Variants in VAV1 observed in about 807,000 individuals in gnomAD.
VAV1 encodes proto-oncogene vav.
VAV1 carries 33 observed loss-of-function variants against 128.1 expected under a neutral mutation model. The ratio of observed to expected loss-of-function variants is 0.26; its 90% CI spans 0.20 to 0.34. VAV1 has a LOEUF of 0.34. VAV1 is among the 10% of genes least tolerant of loss of function. VAV1 has a pLI of 1.00. For missense variants in VAV1, 715 were observed against 1,093.7 expected, an observed-to-expected ratio of 0.65 and a Z score of 4.88; for synonymous variants, 394 against 409.8, an observed-to-expected ratio of 0.96 and a Z score of 0.47.
intron 3 of VAV1, 49 bp downstream of exon 3, chr19:6,821,729 C>T: frequency 6.2e-7 from 1 of 1,613,850 alleles, no homozygotes; most frequent in Non-Finnish European, 8.5e-7. Context: ...TCCTCCCCCT[C>T]CCTGAAGCCC....
chr19:6,856,509 G>C (rs1972805270), intron 26 of VAV1, among the ~76,000 whole-genome samples: 2 of 151,890 alleles, frequency 1.3e-5, no homozygotes, highest in African/African-American at 4.8e-5. Flanking sequence ...ATCACCGGAG[G>C]TCAGGAGTTT....
At chr19:6,810,354 C>A (rs939077065) in intron 1 of VAV1, among the ~76,000 whole-genome samples, 3 of 152,144 alleles carry the variant, frequency 2.0e-5, no homozygotes, top group South Asian at 2.1e-4. Flanking sequence ...TAAAAATAAA[C>A]CCGACTTTCA....
At chr19:6,850,244 T>G (rs551857576) in intron 23 of VAV1, among the ~76,000 whole-genome samples, 182 of 114,454 alleles carry the variant, frequency 1.6e-3, no homozygotes, top group African/African-American at 6.8e-3. Context: ...TTTTTTTTTT[T>G]TGTGATCTAG....
intron 1 of VAV1, among the ~76,000 whole-genome samples, chr19:6,809,339 A>G (rs1445179746): frequency 6.6e-6 from 1 of 152,036 alleles, no homozygotes; most frequent in Non-Finnish European, 1.5e-5. Flanking sequence ...AATCCTCCCA[A>G]TCATGTCTTG....
At chr19:6,834,141 A>C (rs1443370942) in intron 19 of VAV1, among the ~76,000 whole-genome samples, 188 bp downstream of exon 19, 3 of 151,434 alleles carry the variant, frequency 2.0e-5, no homozygotes, top group Non-Finnish European at 4.4e-5. Flanking sequence ...GCACACCACC[A>C]CGCCTAGCTA....
chr19:6,804,777 G>T (rs566836432), intron 1 of VAV1, among the ~76,000 whole-genome samples: 15 of 148,546 alleles, frequency 1.0e-4, no homozygotes, highest in Admixed American at 7.4e-4. Flanking sequence ...AGGCTGGAGT[G>T]CAGTGGCGCA....
intron 26 of VAV1, 95 bp from the exon 27 acceptor site, chr19:6,856,959 A>T (rs1280077687): frequency 9.1e-7 from 1 of 1,096,482 alleles, no homozygotes; most frequent in East Asian, 2.4e-5. Context: ...AGCAGGTGCA[A>T]AGGCCCTGAG....
At chr19:6,819,710 T>G (rs987491284) in intron 1 of VAV1, among the ~76,000 whole-genome samples, 3 of 152,028 alleles carry the variant, frequency 2.0e-5, no homozygotes, top group African/African-American at 7.2e-5. Flanking sequence ...ATGGAGAGTG[T>G]TGGGGGTTGT....
At chr19:6,832,284 C>T (rs1225635025) in intron 15 of VAV1, 84 bp downstream of exon 15, 2 of 1,318,512 alleles carry the variant, frequency 1.5e-6, no homozygotes, top group Non-Finnish European at 1.1e-6. Flanking sequence ...CCTACTCTGT[C>T]CTGACATGCC....
At chr19:6,797,165 G>T in intron 1 of VAV1, among the ~76,000 whole-genome samples, 1 of 151,574 alleles carries the variant, frequency 6.6e-6, no homozygotes, top group East Asian at 1.9e-4. Flanking sequence ...TCAAGAGGCG[G>T]AGATTGCTGT....
intron 21 of VAV1, among the ~76,000 whole-genome samples, chr19:6,838,915 T>C (rs1469676081): frequency 6.6e-6 from 1 of 151,760 alleles, no homozygotes; most frequent in Non-Finnish European, 1.5e-5. Context: ...TTTATTTATT[T>C]ATTTAAGATG....
rs971895582 is a variant in VAV1 at position 6,820,484 on chromosome 19, A to G, written c.205-218A>G. Reference sequence around the variant, plus strand: ...ACATTTGTTTAACCGTTAGTGATTAATTTTATCTTTTGTGAATTTTAACTC... The same window carrying G: ...ACATTTGTTTAACCGTTAGTGATTAGTTTTATCTTTTGTGAATTTTAACTC... On this transcript the variant is annotated intron_variant, in intron 1 of 26. Transcript: ENST00000602142. The surrounding 1 kb of genome is among the most constrained non-coding windows in gnomAD (Gnocchi z 4.4). Among the ~76,000 whole-genome samples, 5 of 152,196 alleles carry G rather than the reference A, an allele frequency of 3.3e-5. No homozygotes were observed. The highest frequency in any genetic ancestry group is 1.3e-4 in the Admixed American group (2 of 15,270).
chr19:6,790,070 C>G (rs1385740614), intron 1 of VAV1, among the ~76,000 whole-genome samples: 1 of 152,096 alleles, frequency 6.6e-6, no homozygotes, highest in African/African-American at 2.4e-5. Flanking sequence ...CCCAGCTACT[C>G]GAGAGGCTGA....
Position 6,825,313 on chromosome 19 carries a change from G to A in VAV1, c.734G>A (p.Arg245His), listed in dbSNP as rs375421504. 5 of 1,612,510 alleles carry A rather than the reference G, an allele frequency of 3.1e-6. No homozygotes were observed. Among genetic ancestry groups the A allele is most frequent in the Non-Finnish European group, 3.4e-6 (4 of 1,179,450 alleles). The change falls in exon 8 of 27, where the codon CGT becomes CAT. Residue 245 changes from arginine to histidine, a missense_variant. Physicochemically the swap from Arg to His is conservative, Grantham distance 29. Around this residue, in one of 3 missense-constraint regions of VAV1, gnomAD observed 302 missense variants for 477.8 expected, o/e 0.63. Coordinates refer to ENST00000602142, the MANE Select transcript of VAV1 (RefSeq NM_005428.4). The stretch of plus-strand genomic sequence containing the variant: ...CTTCCCTCCGAGTAGGACCTGCTTC[G>A]TGTTCATACTCACTTCCTAAAGGAG... ...IIFINIEDLL[R>H]VHTHFLKEMK...
chr19:6,785,683 A>G (rs1314897486), intron 1 of VAV1, among the ~76,000 whole-genome samples: 2 of 106,310 alleles, frequency 1.9e-5, no homozygotes, highest in Non-Finnish European at 3.9e-5. Context: ...TTTTTGAGAT[A>G]GAGTCTTGCT....
chr19:6,814,812 C>T (rs1053485553), intron 1 of VAV1, among the ~76,000 whole-genome samples: 3 of 150,582 alleles, frequency 2.0e-5, no homozygotes, highest in Non-Finnish European at 4.4e-5. Context: ...TAGCAGGTTC[C>T]GTTGCGTAGT....
chr19:6,784,170 C>T, intron 1 of VAV1: 1 of 576,958 alleles, frequency 1.7e-6, no homozygotes, highest in South Asian at 2.3e-5. Flanking sequence ...AGGAGGATCG[C>T]TTGAGCCCAG....
chr19:6,831,795 A>AGTG (rs1972061338), intron 14 of VAV1, among the ~76,000 whole-genome samples: 1 of 152,056 alleles, frequency 6.6e-6, no homozygotes, highest in Non-Finnish European at 1.5e-5. Flanking sequence ...TGCTTTGTTG[A>AGTG]ACAGAAAAAT....
In VAV1 at chr19:6,798,095, G is replaced by A. The variant is rs558429677; in HGVS notation, c.205-22607G>A. ...AGTTCAAGACCAGCCTAGCCAACATGGTGAGACCCTGTCTGTACTAAAAAT... is the reference window on the plus strand; with the variant it reads ...AGTTCAAGACCAGCCTAGCCAACATAGTGAGACCCTGTCTGTACTAAAAAT... On this transcript the variant is annotated intron_variant, in intron 1 of 26. Transcript: ENST00000602142. Among the ~76,000 whole-genome samples the A allele has an allele frequency of 1.1e-4, 17 of 152,234 alleles. No homozygotes were observed. The South Asian group carries it at 2.7e-3, about 24-fold the overall frequency.
Sources: gnomAD v4.1 joint callset for allele counts (sites outside exome capture counted in the v4.1 genomes callset) on GRCh38, gnomAD v4.1.1 for gene constraint, gnomAD v4.1.1 regional missense constraint, Gnocchi (gnomAD v3.1) non-coding constraint, MANE v1.5 for transcripts, NCBI Gene and HGNC (gene_info 2026-07-23, HGNC 2026-07-21) for gene names.